The following KCNN2 variants were observed in gnomAD, a reference collection of about 807,000 sequenced individuals.
KCNN2 encodes the protein potassium calcium-activated channel subfamily N member 2.
In KCNN2, 24 loss-of-function variants were observed where a neutral mutation model predicts 55.5. The ratio of observed to expected loss-of-function variants is 0.43; its 90% CI spans 0.31 to 0.61. The LOEUF (loss-of-function observed/expected upper bound fraction) is 0.61. Ranked by LOEUF, KCNN2 falls within the 20% of genes least tolerant of loss-of-function variation. The probability of loss-of-function intolerance (pLI) is 0.08; values close to 1 mark genes in which losing one functional copy is unlikely to be tolerated. For synonymous variants in KCNN2, 431 were observed against 336.1 expected (o/e 1.28, Z -3.09); for missense variants, 754 against 853.6 (o/e 0.88, Z 1.45).
At chr5:114,165,989 G>A (rs774943135) in intron 1 of KCNN2, among the ~76,000 whole-genome samples, 2 of 151,956 alleles carry the variant, frequency 1.3e-5, no homozygotes, top group Non-Finnish European at 1.5e-5. Context: ...AGAATAAGCT[G>A]CCTATATGTC....
chr5:114,068,764 C>G (rs939167484), intron 1 of KCNN2, among the ~76,000 whole-genome samples: 1 of 152,120 alleles, frequency 6.6e-6, no homozygotes, highest in Non-Finnish European at 1.5e-5. Flanking sequence ...AAATTGCTTG[C>G]TTTTCTTTGC....
At chr5:114,155,695 G>A (rs28773853) in intron 1 of KCNN2, among the ~76,000 whole-genome samples, 3,765 of 152,106 alleles carry the variant, frequency 0.025, 146 homozygotes, top group African/African-American at 0.085. Context: ...TTTCAAAAAC[G>A]TCGGTTCATG....
intron 2 of KCNN2, among the ~76,000 whole-genome samples, chr5:114,312,101 T>A (rs912966644): frequency 6.6e-6 from 1 of 151,906 alleles, no homozygotes; most frequent in African/African-American, 2.4e-5. Context: ...TTAGAAGACA[T>A]GGTAAGAGAA....
At chr5:114,062,400 A>G (rs984225061) in intron 1 of KCNN2, among the ~76,000 whole-genome samples, 1 of 152,234 alleles carries the variant, frequency 6.6e-6, no homozygotes, top group Non-Finnish European at 1.5e-5. Context: ...TGTTACCACA[A>G]TAACTTTGAT....
chr5:114,122,493 C>T (rs1376477625), intron 1 of KCNN2, among the ~76,000 whole-genome samples: 1 of 152,118 alleles, frequency 6.6e-6, no homozygotes. Context: ...TATACGAGCC[C>T]ATGAATTCCT....
At chr5:114,116,813 A>G (rs1751716491) in intron 1 of KCNN2, among the ~76,000 whole-genome samples, 1 of 152,152 alleles carries the variant, frequency 6.6e-6, no homozygotes, top group African/African-American at 2.4e-5. Context: ...CAAATAATTT[A>G]TATACACTCT....
At position 114,134,486 on chromosome 5, in the gene KCNN2, T is replaced by G. The variant is rs906088236; in HGVS notation, c.-271+77986T>G. Among the ~76,000 whole-genome samples the G allele has an allele frequency of 9.1e-4, 134 of 147,642 alleles. 2 individuals are homozygous for G. Among genetic ancestry groups the G allele is most frequent in the African/African-American group, 3.1e-3 (119 of 38,922 alleles). ...TTATTTATTTATTTATTTATTTATT[T>G]ATTTATTTATTTATTTATTTATTTT... On this transcript the variant is annotated intron_variant, in intron 1 of 10. Transcript: ENST00000512097.
At chr5:114,226,972 C>A (rs1168045209) in intron 2 of KCNN2, among the ~76,000 whole-genome samples, 1 of 150,842 alleles carries the variant, frequency 6.6e-6, no homozygotes, top group African/African-American at 2.4e-5. Context: ...TTGTGGATTA[C>A]CCTTTGATTT....
chr5:114,491,353 C>T (rs944548927), intron 6 of KCNN2, among the ~76,000 whole-genome samples: 66 of 152,148 alleles, frequency 4.3e-4, no homozygotes, highest in African/African-American at 1.4e-3. Context: ...ATACAAATTC[C>T]TTTATACAAA....
At chr5:114,307,930 C>A (rs1300012205) in intron 2 of KCNN2, among the ~76,000 whole-genome samples, 4 of 152,034 alleles carry the variant, frequency 2.6e-5, no homozygotes, top group African/African-American at 9.7e-5. Context: ...TGATTCCTCC[C>A]CATACCCCAA....
At chr5:114,318,306 A>G (rs557214668) in intron 2 of KCNN2, among the ~76,000 whole-genome samples, 1 of 152,230 alleles carries the variant, frequency 6.6e-6, no homozygotes, top group East Asian at 1.9e-4. Flanking sequence ...ATATTATCAA[A>G]TCCTTATTAC....
intron 2 of KCNN2, among the ~76,000 whole-genome samples, chr5:114,264,996 T>C (rs1755181579): frequency 6.6e-6 from 1 of 152,204 alleles, no homozygotes; most frequent in East Asian, 1.9e-4. Context: ...TGTTATGTTA[T>C]ATGAAAAACA....
chr5:114,180,108 C>T (rs140143639), intron 1 of KCNN2, among the ~76,000 whole-genome samples: 46 of 152,218 alleles, frequency 3.0e-4, no homozygotes, highest in Admixed American at 1.2e-3. Context: ...CAAGACAAAA[C>T]GGATTATAAG....
intron 1 of KCNN2, among the ~76,000 whole-genome samples, chr5:114,196,698 A>G (rs1407133151): frequency 6.6e-6 from 1 of 152,010 alleles, no homozygotes; most frequent in Non-Finnish European, 1.5e-5. Flanking sequence ...TGTTAGCAAT[A>G]TTCTGATTTT....
chr5:114,381,820 T>C (rs1312899875), intron 2 of KCNN2, among the ~76,000 whole-genome samples: 1 of 152,174 alleles, frequency 6.6e-6, no homozygotes, highest in Non-Finnish European at 1.5e-5. Flanking sequence ...TCTTTTTGCT[T>C]GTAAGCAACA....
chr5:114,414,139 T>G (rs1759224424), intron 3 of KCNN2, among the ~76,000 whole-genome samples: 1 of 152,194 alleles, frequency 6.6e-6, no homozygotes, highest in African/African-American at 2.4e-5. Context: ...ACTCTTTATT[T>G]TAAAATGTTT....
At chr5:114,448,375 G>A (rs1367966577) in intron 3 of KCNN2, among the ~76,000 whole-genome samples, 1 of 152,138 alleles carries the variant, frequency 6.6e-6, no homozygotes, top group Non-Finnish European at 1.5e-5. Flanking sequence ...AGACAGCTTC[G>A]TTCACTACAC....
chr5:114,287,536 G>A (rs1250152383), intron 2 of KCNN2, among the ~76,000 whole-genome samples: 2 of 151,894 alleles, frequency 1.3e-5, no homozygotes, highest in Admixed American at 1.3e-4. Context: ...CTGGTAAGTG[G>A]GAGTTGAACA....
At chr5:114,411,114 A>G (rs1054814137) in intron 3 of KCNN2, among the ~76,000 whole-genome samples, 3 of 152,162 alleles carry the variant, frequency 2.0e-5, no homozygotes, top group Admixed American at 6.5e-5. Flanking sequence ...AGAGACTTCA[A>G]TTTCAGTTGT....
Sources: gnomAD v4.1 joint callset for allele counts (sites outside exome capture counted in the v4.1 genomes callset) on GRCh38, gnomAD v4.1.1 for gene constraint, MANE v1.5 for transcripts, NCBI Gene and HGNC (gene_info 2026-07-23, HGNC 2026-07-21) for gene names.